The following SLC25A3 variants were observed in gnomAD, a reference collection of about 807,000 sequenced individuals.
The protein encoded by SLC25A3 is phosphate transport protein.
In SLC25A3, 14 loss-of-function variants were observed where a neutral mutation model predicts 37.1. The ratio of observed to expected loss-of-function variants is 0.38; its 90% CI spans 0.25 to 0.59. SLC25A3 has a LOEUF of 0.59. Ranked by LOEUF, SLC25A3 falls within the 20% of genes least tolerant of loss-of-function variation. The probability of loss-of-function intolerance (pLI) is 0.67; values close to 1 mark genes in which losing one functional copy is unlikely to be tolerated. For synonymous variants in SLC25A3, 161 were observed against 168.7 expected (o/e 0.95, Z 0.36); for missense variants, 385 against 458.1 (o/e 0.84, Z 1.46).
At position 98,593,758 on chromosome 12, in the gene SLC25A3, T is replaced by TTC; in HGVS notation, c.-5+21_-5+22dup. 1 of 611,058 alleles carries TTC rather than the reference T, an allele frequency of 1.6e-6. No individual in the cohort carries two copies. The allele number at this position is 611,058 out of a possible 1,614,324, so 37.9% of individuals were successfully genotyped here. ...CTTAGGGAGTGAGTGTGGCCGGGCC[T>TTC]TCTCCTGTGGCGGGTGTGGGGAGCG... is the stretch of plus-strand genomic sequence containing the variant. On this transcript the variant is annotated intron_variant, in intron 1 of 7. Transcript: ENST00000552981.
rs779261454 is a variant in SLC25A3 at position 98,595,812 on chromosome 12, T to C, written c.243T>C (p.Ala81=). Residue 81 remains alanine (A), a synonymous_variant, in exon 3 of 8, where the codon GCT becomes GCC. Transcript: ENST00000552981. ...TAAGTTGTGGTCTGACACACACTGC[T>C]GTGGTTCCCCTGGATTTAGTGAAAT... ...GVLSCGLTHT[A]VVPLDLVKCR... is the part of the protein sequence containing the mutation. The C allele has an allele frequency of 1.9e-6, 3 of 1,614,118 alleles. No individual in the cohort carries two copies. In the African/African-American group the frequency reaches 4.0e-5, roughly 22 times the overall value.
chr12:98,601,311 G>C (rs865926246), intron 7 of SLC25A3, 30 bp downstream of exon 7: 1 of 1,614,072 alleles, frequency 6.2e-7, no homozygotes, highest in Middle Eastern at 1.6e-4. Context: ...TTGAAAGAAA[G>C]AACAACAGTT....
At position 98,595,822 on chromosome 12, in the gene SLC25A3, C is replaced by A; in HGVS notation, c.253C>A (p.Leu85Met). 6.2e-7 allele frequency: 1 copy of A among 1,614,152 alleles called. No homozygotes were observed. The highest frequency in any genetic ancestry group is 8.5e-7 in the Non-Finnish European group (1 of 1,180,014). The change falls in exon 3 of 8, where the codon CTG becomes ATG. Residue 85 changes from leucine to methionine, a missense_variant. Leu to Met is a conservative substitution (Grantham distance 15). Around this residue, in one of 2 missense-constraint regions of SLC25A3, gnomAD observed 276 missense variants for 367.6 expected, o/e 0.75. Transcript: ENST00000552981. ...CGLTHTAVVP[L>M]DLVKCRMQVD... The stretch of plus-strand genomic sequence containing the variant: ...TCTGACACACACTGCTGTGGTTCCC[C>A]TGGATTTAGTGAAATGCCGTATGCA...
At chr12:98,600,945 T>C (rs1055201912) in intron 6 of SLC25A3, 4 of 465,404 alleles carry the variant, frequency 8.6e-6, no homozygotes, top group African/African-American at 3.9e-5. Context: ...TGTTGTTGTT[T>C]ATTAAGAATT....
Position 98,597,280 on chromosome 12 carries a change from A to T in SLC25A3, c.280-576A>T, listed in dbSNP as rs558616153. On this transcript the variant is annotated intron_variant, in intron 3 of 7. Coordinates refer to ENST00000552981, the MANE Select transcript of SLC25A3 (RefSeq NM_002635.4). ...ATCAAATGAACAATAATAAACAGTG[A>T]TAAGCATAAACTAATAAAAGTTATA... is the stretch of plus-strand genomic sequence containing the variant. Among the ~76,000 whole-genome samples the T allele has an allele frequency of 3.9e-5, 6 of 152,354 alleles. No homozygotes were observed. In the South Asian group the frequency reaches 6.2e-4, roughly 16 times the overall value.
At chr12:98,598,075 AAGACTTTCCGAGTGTTCTT>A in intron 4 of SLC25A3, 40 bp downstream of exon 4, 1 of 1,603,228 alleles carries the variant, frequency 6.2e-7, no homozygotes, top group African/African-American at 1.3e-5. Context: ...CCGAGTGTTT[AAGACTTTCCGAGTGTTCTT>A]AGATTTTTGT....
chr12:98,594,592 T>G (rs1226895629), intron 2 of SLC25A3: 1 of 560,188 alleles, frequency 1.8e-6, no homozygotes, highest in East Asian at 3.1e-5. Context: ...TTTTTGCACT[T>G]AATTGTATAT....
intron 2 of SLC25A3, chr12:98,594,391 A>G (rs2097591211): frequency 4.3e-6 from 3 of 699,548 alleles, no homozygotes; most frequent in Non-Finnish European, 5.2e-6. Flanking sequence ...GAGGGAAGAG[A>G]GGCCGTGACT....
intron 4 of SLC25A3, 170 bp from the exon 5 acceptor site, chr12:98,598,352 C>A: frequency 1.0e-6 from 1 of 1,001,354 alleles, no homozygotes; most frequent in Non-Finnish European, 1.5e-6. Flanking sequence ...TCATGTTGTT[C>A]ACATAGTTAC....
At chr12:98,597,011 TCAAAAAACAAACAAA>T (rs1009278270) in intron 3 of SLC25A3, among the ~76,000 whole-genome samples, 1 of 152,094 alleles carries the variant, frequency 6.6e-6, no homozygotes, top group Non-Finnish European at 1.5e-5. Context: ...AGAGCAAGAC[TCAAAAAACAAACAAA>T]CAAAAAACAC....
At chr12:98,596,901 C>T (rs1214163228) in intron 3 of SLC25A3, among the ~76,000 whole-genome samples, 4 of 152,156 alleles carry the variant, frequency 2.6e-5, no homozygotes, top group Admixed American at 1.3e-4. Context: ...TGCCTGTAGT[C>T]GCAGCTACTC....
intron 3 of SLC25A3, among the ~76,000 whole-genome samples, chr12:98,596,751 C>T (rs1017126702): frequency 1.3e-5 from 2 of 152,186 alleles, no homozygotes; most frequent in Admixed American, 6.5e-5. Flanking sequence ...TGGTCGCCCA[C>T]ACCTGGAATG....
Position 98,598,002 on chromosome 12 carries a change from C to T in SLC25A3, c.426C>T (p.Val142=), listed in dbSNP as rs2097594422. The change falls in exon 4 of 8, where the codon GTC becomes GTT. Residue 142 remains valine (V), a synonymous_variant. Transcript: ENST00000552981. The part of the protein sequence containing the change: ...QGLCKFGFYE[V]FKVLYSNMLG... ...TCTGCAAGTTTGGCTTTTATGAAGT[C>T]TTTAAAGTCTTGTATAGCAATATGC... 1 of 1,613,634 alleles carries T rather than the reference C, an allele frequency of 6.2e-7. No homozygotes were observed. The highest frequency in any genetic ancestry group is 8.5e-7 in the Non-Finnish European group (1 of 1,179,596).
At chr12:98,594,287 C>T in intron 2 of SLC25A3, 152 bp downstream of exon 2, 1 of 730,542 alleles carries the variant, frequency 1.4e-6, no homozygotes, top group African/African-American at 1.7e-5. Context: ...GGGTATCGGC[C>T]TTTTCCACCA....
chr12:98,597,822 G>T (rs750704155), intron 3 of SLC25A3, 34 bp from the exon 4 acceptor site: 1 of 1,603,226 alleles, frequency 6.2e-7, no homozygotes, highest in South Asian at 1.1e-5. Flanking sequence ...GCTGTTTGGT[G>T]CATTTAATTT....
Position 98,604,263 on chromosome 12 carries a change from A to AAAAAAAAAAAAAAAATAT in SLC25A3, c.*2736_*2737insAAAAAAAAAAAAAATATA, listed in dbSNP as rs1302964992. ...GCGAAACTCTGTCTCAAAAAAAAAA[A>AAAAAAAAAAAAAAAATAT]ATATATATATATATATATATATATG... is the stretch of plus-strand genomic sequence containing the variant. On this transcript the variant is annotated 3_prime_UTR_variant, in exon 8 of 8. Coordinates refer to ENST00000552981, the MANE Select transcript of SLC25A3 (RefSeq NM_002635.4). 5.2e-5 allele frequency: 7 copies of AAAAAAAAAAAAAAAATAT among 134,588 alleles called. No individual in the cohort carries two copies. The highest frequency in any genetic ancestry group is 2.0e-4 in the African/African-American group (7 of 34,840). 8.3% of individuals were successfully genotyped at this position (134,588 alleles called of 1,614,324 possible). A position where few individuals can be genotyped will look rare whatever the true frequency, so the allele number is the denominator to read the frequency against.
At position 98,598,105 on chromosome 12, in the gene SLC25A3, C is replaced by G; in HGVS notation, c.459+70C>G. 4.6e-6 allele frequency: 7 copies of G among 1,516,536 alleles called. No individual in the cohort carries two copies. The Admixed American group carries it at 1.2e-4, about 26-fold the overall frequency. 93.9% of individuals were successfully genotyped at this position (1,516,536 alleles called of 1,614,324 possible). A position where few individuals can be genotyped will look rare whatever the true frequency, so the allele number is the denominator to read the frequency against. ...TTTCCGAGTGTTCTTAGATTTTTGT[C>G]TGTCTTGCCTTATTTTAGCACTGAA... is the stretch of plus-strand genomic sequence containing the variant. On this transcript the variant is annotated intron_variant, in intron 4 of 7. Transcript: ENST00000552981.
In SLC25A3 at chr12:98,597,938, G is replaced by C; in HGVS notation, c.362G>C (p.Gly121Ala). 1 of 1,614,178 alleles carries C rather than the reference G, an allele frequency of 6.2e-7. No individual in the cohort carries two copies. The highest frequency in any genetic ancestry group is 8.5e-7 in the Non-Finnish European group (1 of 1,180,044). ...KEDGVRGLAK[G>A]WAPTFLGYSM... ...GATGGTGTTCGTGGTTTGGCTAAAG[G>C]ATGGGCTCCGACTTTCCTTGGCTAC... is the stretch of plus-strand genomic sequence containing the variant. Residue 121 changes from glycine (G) to alanine (A), a missense_variant, in exon 4 of 8, where the codon GGA becomes GCA. Gly to Ala is a moderately conservative substitution (Grantham distance 60). Transcript: ENST00000552981.
chr12:98,594,373 G>T (rs2097591190), intron 2 of SLC25A3: 1 of 701,250 alleles, frequency 1.4e-6, no homozygotes, highest in African/African-American at 1.7e-5. Flanking sequence ...CGTGACCTCC[G>T]TGTGCCCGAG....
Sources: gnomAD v4.1 joint callset for allele counts (sites outside exome capture counted in the v4.1 genomes callset) on GRCh38, gnomAD v4.1.1 for gene constraint, gnomAD v4.1.1 regional missense constraint, MANE v1.5 for transcripts, NCBI Gene and HGNC (gene_info 2026-07-23, HGNC 2026-07-21) for gene names.